The following PLPPR1 variants were observed in gnomAD, a reference collection of about 807,000 sequenced individuals.
The protein encoded by PLPPR1 is phospholipid phosphatase related 1.
In PLPPR1, 10 loss-of-function variants were observed where a neutral mutation model predicts 33.1. That is an observed-to-expected ratio of 0.30 (90% CI 0.19 to 0.51). The LOEUF (loss-of-function observed/expected upper bound fraction) is 0.51, where lower values mean the gene tolerates loss of function less well. Ranked by LOEUF, PLPPR1 falls within the 20% of genes least tolerant of loss-of-function variation. PLPPR1 has a pLI of 0.97. For missense variants in PLPPR1, 304 were observed against 408.1 expected, an observed-to-expected ratio of 0.74 and a Z score of 2.20; for synonymous variants, 151 against 151.0, an observed-to-expected ratio of 1.00 and a Z score of 0.00.
intron 1 of PLPPR1, among the ~76,000 whole-genome samples, chr9:101,183,474 C>A (rs977055197): frequency 1.3e-5 from 2 of 151,624 alleles, no homozygotes; most frequent in African/African-American, 4.8e-5. Flanking sequence ...AGTCAGAAAG[C>A]AGATTACCTG....
intron 4 of PLPPR1, among the ~76,000 whole-genome samples, chr9:101,295,014 CCT>C (rs1033638674): frequency 6.6e-6 from 1 of 152,080 alleles, no homozygotes; most frequent in Non-Finnish European, 1.5e-5. Flanking sequence ...TCAAATTGTC[CCT>C]GTTTGCAGAT....
chr9:101,165,615 C>T (rs1335594752), intron 1 of PLPPR1, among the ~76,000 whole-genome samples: 1 of 152,028 alleles, frequency 6.6e-6, no homozygotes, highest in Non-Finnish European at 1.5e-5. Flanking sequence ...CCATGCTGTG[C>T]CTGATTCTGG....
chr9:101,316,809 G>C (rs1014128239), intron 6 of PLPPR1, among the ~76,000 whole-genome samples: 7 of 152,098 alleles, frequency 4.6e-5, no homozygotes, highest in African/African-American at 1.4e-4. Context: ...TTAAAGACCA[G>C]CTAACATGGA....
intron 1 of PLPPR1, among the ~76,000 whole-genome samples, chr9:101,140,541 T>C (rs1314985760): frequency 6.6e-6 from 1 of 152,144 alleles, no homozygotes; most frequent in African/African-American, 2.4e-5. Flanking sequence ...ACAAGGACTT[T>C]CCCCCATTTA....
chr9:101,215,218 T>C (rs1826767399), intron 2 of PLPPR1, among the ~76,000 whole-genome samples: 1 of 151,820 alleles, frequency 6.6e-6, no homozygotes, highest in Non-Finnish European at 1.5e-5. Flanking sequence ...CCAGGAGAGG[T>C]TCAGAAAGCT....
rs1232088605 is a variant in PLPPR1 at position 101,324,129 on chromosome 9, C to T, written c.*72C>T. 2 of 1,241,578 alleles carry T rather than the reference C, an allele frequency of 1.6e-6. No homozygotes were observed. The highest frequency in any genetic ancestry group is 1.7e-5 in the Admixed American group (1 of 57,472). 76.9% of individuals were successfully genotyped at this position (1,241,578 alleles called of 1,614,324 possible). A position where few individuals can be genotyped will look rare whatever the true frequency, so the allele number is the denominator to read the frequency against. ...CTATACTTCAAAACACACAGTTGCT[C>T]AATGTCAAACTGTGATGACAAATAT... On this transcript the variant is annotated 3_prime_UTR_variant, in exon 8 of 8. Transcript: ENST00000374874.
chr9:101,108,525 G>A (rs1044814340), intron 1 of PLPPR1, among the ~76,000 whole-genome samples: 12 of 152,194 alleles, frequency 7.9e-5, no homozygotes, highest in Admixed American at 2.0e-4. Context: ...GTGAAGACAG[G>A]CACTGTTTGT....
intron 2 of PLPPR1, among the ~76,000 whole-genome samples, chr9:101,218,417 G>A (rs1402419314): frequency 6.6e-6 from 1 of 152,080 alleles, no homozygotes; most frequent in African/African-American, 2.4e-5. Flanking sequence ...GTTCTGGGTG[G>A]GACATGTGGC....
rs536110722 is a variant in PLPPR1 at position 101,087,843 on chromosome 9, C to T, written c.-46+58741C>T. On this transcript the variant is annotated intron_variant, in intron 1 of 7. Coordinates refer to ENST00000374874, the MANE Select transcript of PLPPR1 (RefSeq NM_207299.2). ...GTATTATTTTATTCAGAATTGTCTA[C>T]GTATTGTTTTCTGTGTCAAATGTTT... 4.6e-5 allele frequency among the ~76,000 whole-genome samples: 7 copies of T among 152,226 alleles called. No homozygotes were observed. In the South Asian group the frequency reaches 8.3e-4, roughly 18 times the overall value.
intron 4 of PLPPR1, among the ~76,000 whole-genome samples, chr9:101,287,261 T>G (rs891541382): frequency 1.1e-4 from 16 of 152,332 alleles, no homozygotes; most frequent in African/African-American, 3.6e-4. Flanking sequence ...TTGCAGATTA[T>G]GCAAGTTTGC....
Position 101,108,941 on chromosome 9 carries a change from C to G in PLPPR1, c.-45-76509C>G, listed in dbSNP as rs1017588455. Reference sequence around the variant, plus strand: ...CTGATATAACCCACATAAGCAAAAGCTCTTTTTTGTCTTCAATAATTTTTT... The same window carrying G: ...CTGATATAACCCACATAAGCAAAAGGTCTTTTTTGTCTTCAATAATTTTTT... On this transcript the variant is annotated intron_variant, in intron 1 of 7. Transcript: ENST00000374874. 4.0e-5 allele frequency among the ~76,000 whole-genome samples: 6 copies of G among 148,164 alleles called. No homozygotes were observed. In the East Asian group the frequency reaches 1.2e-3, roughly 30 times the overall value.
At chr9:101,253,688 A>T (rs528553123) in intron 2 of PLPPR1, among the ~76,000 whole-genome samples, 1 of 152,262 alleles carries the variant, frequency 6.6e-6, no homozygotes, top group South Asian at 2.1e-4. Context: ...CCTTTTATTC[A>T]ACGTAAAACC....
intron 4 of PLPPR1, among the ~76,000 whole-genome samples, chr9:101,292,062 A>G (rs1404346967): frequency 1.3e-5 from 2 of 152,208 alleles, no homozygotes; most frequent in Non-Finnish European, 2.9e-5. Flanking sequence ...AGACGAATAT[A>G]TAACTAGAAT....
rs1830048671 is a variant in PLPPR1, at chr9:101,039,344, G to A, written c.-46+10242G>A. 2.0e-5 allele frequency among the ~76,000 whole-genome samples: 3 copies of A among 152,174 alleles called. No homozygotes were observed. In the South Asian group the frequency reaches 6.2e-4, roughly 32 times the overall value. On this transcript the variant is annotated intron_variant, in intron 1 of 7. Coordinates refer to ENST00000374874, the MANE Select transcript of PLPPR1 (RefSeq NM_207299.2). ...AGATAATAAAAGTACCCCTCCCACA[G>A]TGATGTTTTTATGAGATAAATAAAT...
chr9:101,111,521 TC>T (rs1384285316), intron 1 of PLPPR1, among the ~76,000 whole-genome samples: 2 of 152,204 alleles, frequency 1.3e-5, no homozygotes, highest in East Asian at 3.8e-4. Flanking sequence ...GATAGTATTT[TC>T]CTGTTATACC....
At chr9:101,127,940 GAGAA>G (rs1423132708) in intron 1 of PLPPR1, among the ~76,000 whole-genome samples, 5 of 152,328 alleles carry the variant, frequency 3.3e-5, no homozygotes, top group Non-Finnish European at 7.3e-5. Context: ...ATGAGAAATA[GAGAA>G]AGAGAGTAGG....
intron 1 of PLPPR1, among the ~76,000 whole-genome samples, chr9:101,043,957 A>C (rs1029698514): frequency 1.3e-5 from 2 of 152,166 alleles, no homozygotes; most frequent in African/African-American, 4.8e-5. Context: ...GCTTAGGCAA[A>C]GATTTCATGA....
At chr9:101,293,405 G>A (rs1286643021) in intron 4 of PLPPR1, among the ~76,000 whole-genome samples, 2 of 151,690 alleles carry the variant, frequency 1.3e-5, no homozygotes, top group Non-Finnish European at 2.9e-5. Flanking sequence ...GAGACAGAAA[G>A]TTAACAAGGA....
intron 1 of PLPPR1, among the ~76,000 whole-genome samples, chr9:101,152,347 T>A (rs1027808044): frequency 3.3e-5 from 5 of 152,190 alleles, no homozygotes; most frequent in African/African-American, 1.2e-4. Flanking sequence ...ATTCTGTAGA[T>A]TGCCTGTTCA....
Sources: allele counts gnomAD v4.1 joint callset (sites outside exome capture counted in the v4.1 genomes callset), GRCh38; gene constraint gnomAD v4.1.1; transcripts MANE v1.5; gene names NCBI Gene and HGNC (gene_info 2026-07-23, HGNC 2026-07-21).